The following GLCCI1 variants were observed in gnomAD, a reference collection of about 807,000 sequenced individuals.
GLCCI1 encodes glucocorticoid-induced transcript 1 protein.
A neutral mutation model predicts 52.2 loss-of-function variants in GLCCI1; 24 were observed. The ratio of observed to expected loss-of-function variants is 0.46; its 90% CI spans 0.33 to 0.65. The LOEUF is 0.65. Ranked by LOEUF, GLCCI1 falls within the 30% of genes least tolerant of loss-of-function variation. GLCCI1 has a pLI of 0.02. For missense variants in GLCCI1, 704 were observed against 701.5 expected, an observed-to-expected ratio of 1.00 and a Z score of -0.04; for synonymous variants, 310 against 276.5, an observed-to-expected ratio of 1.12 and a Z score of -1.20.
chr7:7,992,692 C>T (rs1780865625), intron 1 of GLCCI1, among the ~76,000 whole-genome samples: 2 of 151,970 alleles, frequency 1.3e-5, no homozygotes, highest in African/African-American at 4.8e-5. Context: ...TTGAGGGACT[C>T]CTGTTACACA....
chr7:8,015,961 A>C (rs567676433), intron 2 of GLCCI1, among the ~76,000 whole-genome samples: 3 of 152,240 alleles, frequency 2.0e-5, no homozygotes, highest in African/African-American at 7.2e-5. Context: ...CTTTGCCCCT[A>C]AGCACACTCT....
intron 2 of GLCCI1, among the ~76,000 whole-genome samples, chr7:8,013,774 A>G (rs1285881981): frequency 1.3e-5 from 2 of 152,132 alleles, no homozygotes; most frequent in African/African-American, 4.8e-5. Context: ...AGGATATTTA[A>G]TATCTAATTT....
intron 5 of GLCCI1, among the ~76,000 whole-genome samples, chr7:8,061,101 C>CT (rs1183119492): frequency 0.048 from 6,692 of 138,816 alleles, 244 homozygotes; most frequent in Non-Finnish European, 0.068. Context: ...TGCTAGTGAT[C>CT]TTTTTTTTTT....
At chr7:8,040,787 C>T (rs1781979568) in intron 3 of GLCCI1, among the ~76,000 whole-genome samples, 1 of 152,178 alleles carries the variant, frequency 6.6e-6, no homozygotes, top group Admixed American at 6.5e-5. Context: ...GACTTATACA[C>T]AAATGTTTAT....
At chr7:8,020,189 T>C (rs902801774) in intron 2 of GLCCI1, among the ~76,000 whole-genome samples, 1 of 152,180 alleles carries the variant, frequency 6.6e-6, no homozygotes, top group Admixed American at 6.5e-5. Flanking sequence ...TTTAGACTTT[T>C]TTTTAAAGCT....
Position 8,060,258 on chromosome 7 carries a change from C to A in GLCCI1, c.966+10C>A. 1 of 1,600,496 alleles carries A rather than the reference C, an allele frequency of 6.2e-7. No individual in the cohort carries two copies. The highest frequency in any genetic ancestry group is 8.5e-7 in the Non-Finnish European group (1 of 1,170,374). ...GGAAGAAGTATCCAAGGTAAGGTTA[C>A]ATGGGATATTTGAATCCTTTTTTTC... On this transcript the variant is annotated intron_variant, in intron 5 of 7. Transcript: ENST00000223145.
chr7:8,045,534 C>G (rs1222855377), intron 3 of GLCCI1, among the ~76,000 whole-genome samples: 1 of 152,168 alleles, frequency 6.6e-6, no homozygotes, highest in African/African-American at 2.4e-5. Flanking sequence ...GAGATTGGAA[C>G]TGGGCTCTCT....
chr7:8,032,181 A>T lies in GLCCI1; in HGVS notation c.696+9612A>T, dbSNP rs143595989. Reference sequence around the variant, plus strand: ...TTTGACAATTAAGGAACACTTTTCTAATAACCCAAGGATATTTTTTAATAT... The same window carrying T: ...TTTGACAATTAAGGAACACTTTTCTTATAACCCAAGGATATTTTTTAATAT... On this transcript the variant is annotated intron_variant, in intron 3 of 7. Coordinates refer to ENST00000223145, the MANE Select transcript of GLCCI1 (RefSeq NM_138426.4). 1.8e-3 allele frequency among the ~76,000 whole-genome samples: 275 copies of T among 152,210 alleles called. 2 individuals are homozygous for T. The highest frequency in any genetic ancestry group is 6.4e-3 in the African/African-American group (266 of 41,586).
intron 2 of GLCCI1, among the ~76,000 whole-genome samples, chr7:8,014,233 G>A (rs1167627308): frequency 6.6e-6 from 1 of 152,074 alleles, no homozygotes. Context: ...TGGACCTCAG[G>A]TGATCCACCC....
chr7:8,019,281 C>A (rs1781435940), intron 2 of GLCCI1, among the ~76,000 whole-genome samples: 1 of 152,118 alleles, frequency 6.6e-6, no homozygotes, highest in Non-Finnish European at 1.5e-5. Flanking sequence ...CTAAGTGTGA[C>A]TAAGGAAGTT....
chr7:8,035,844 C>T (rs1271407008), intron 3 of GLCCI1, among the ~76,000 whole-genome samples: 1 of 152,148 alleles, frequency 6.6e-6, no homozygotes, highest in Non-Finnish European at 1.5e-5. Flanking sequence ...ACATAGAGAG[C>T]TTGTCACATT....
At chr7:8,016,424 G>A (rs543658109) in intron 2 of GLCCI1, among the ~76,000 whole-genome samples, 1 of 152,142 alleles carries the variant, frequency 6.6e-6, no homozygotes, top group Non-Finnish European at 1.5e-5. Context: ...AGCCGAGATC[G>A]CACCACTGCA....
intron 1 of GLCCI1, among the ~76,000 whole-genome samples, chr7:8,002,794 T>TATTTAGGATAG (rs898827250): frequency 6.6e-6 from 1 of 152,236 alleles, no homozygotes. Flanking sequence ...TTAGGATAGA[T>TATTTAGGATAG]ATATGGAGAA....
chr7:8,072,856 A>G (rs1451606070), intron 6 of GLCCI1, among the ~76,000 whole-genome samples: 1 of 152,152 alleles, frequency 6.6e-6, no homozygotes, highest in Non-Finnish European at 1.5e-5. Flanking sequence ...TAATTGAGAG[A>G]TGCTGAACCA....
At chr7:8,078,986 C>T (rs187319668) in intron 6 of GLCCI1, among the ~76,000 whole-genome samples, 2 of 152,258 alleles carry the variant, frequency 1.3e-5, no homozygotes, top group Non-Finnish European at 1.5e-5. Flanking sequence ...TCTAATGTTG[C>T]ACTGACAACA....
chr7:8,071,557 T>G (rs1782762959), intron 6 of GLCCI1, among the ~76,000 whole-genome samples: 1 of 152,234 alleles, frequency 6.6e-6, no homozygotes, highest in South Asian at 2.1e-4. Context: ...TGAGTGTATT[T>G]TTAACCAAGT....
chr7:8,056,779 C>A (rs1782407898), intron 4 of GLCCI1, among the ~76,000 whole-genome samples: 1 of 152,112 alleles, frequency 6.6e-6, no homozygotes. Context: ...TCTTACTAAA[C>A]TAAAAATAGG....
At chr7:8,064,247 A>C (rs1782581728) in intron 5 of GLCCI1, among the ~76,000 whole-genome samples, 1 of 152,150 alleles carries the variant, frequency 6.6e-6, no homozygotes, top group Non-Finnish European at 1.5e-5. Flanking sequence ...TTTTATATTT[A>C]AGTCTTTGAT....
chr7:7,977,647 A>T lies in GLCCI1; in HGVS notation c.457+7840A>T, dbSNP rs116481558. Among the ~76,000 whole-genome samples, 1,235 of 152,300 alleles carry T rather than the reference A, an allele frequency of 8.1e-3. 22 individuals are homozygous for T. The highest frequency in any genetic ancestry group is 0.028 in the African/African-American group (1,175 of 41,566). On this transcript the variant is annotated intron_variant, in intron 1 of 7. Transcript: ENST00000223145. ...TGTGTCTTTAAAATGAAGGGGATAG[A>T]CTTTTTAAGATTTTGGTTGGGTAGG...
Sources: gnomAD v4.1 joint callset for allele counts (sites outside exome capture counted in the v4.1 genomes callset) on GRCh38, gnomAD v4.1.1 for gene constraint, MANE v1.5 for transcripts, NCBI Gene and HGNC (gene_info 2026-07-23, HGNC 2026-07-21) for gene names.